The following ANKS1A variants were observed in gnomAD, a reference collection of about 807,000 sequenced individuals.
ANKS1A encodes the protein ankyrin repeat and sterile alpha motif domain containing 1A.
ANKS1A carries 55 observed loss-of-function variants against 120.3 expected under a neutral mutation model. That is an observed-to-expected ratio of 0.46 (90% CI 0.37 to 0.57). ANKS1A has a LOEUF of 0.57. ANKS1A is among the 20% of genes least tolerant of loss of function. The probability of loss-of-function intolerance (pLI) is 0.00; values close to 1 mark genes in which losing one functional copy is unlikely to be tolerated. For missense variants in ANKS1A, 1,123 were observed against 1,480.3 expected, an observed-to-expected ratio of 0.76 and a Z score of 3.96; for synonymous variants, 590 against 604.7, an observed-to-expected ratio of 0.98 and a Z score of 0.36.
At chr6:34,943,116 C>T (rs73421535) in intron 1 of ANKS1A, among the ~76,000 whole-genome samples, 32 of 152,116 alleles carry the variant, frequency 2.1e-4, no homozygotes, top group African/African-American at 7.5e-4. Flanking sequence ...TACAGGTGTG[C>T]ATCACCATGC....
chr6:34,930,254 A>G (rs1768916787), intron 1 of ANKS1A, among the ~76,000 whole-genome samples: 1 of 151,970 alleles, frequency 6.6e-6, no homozygotes, highest in African/African-American at 2.4e-5. Context: ...TCATTACCTT[A>G]CTGTGGGGGG....
chr6:34,893,665 C>T (rs549903834), intron 1 of ANKS1A, among the ~76,000 whole-genome samples: 2 of 152,290 alleles, frequency 1.3e-5, no homozygotes, highest in East Asian at 3.9e-4. Context: ...ATGTTCTGTT[C>T]CCTTACAGAG....
the ANKS1A span, among the ~76,000 whole-genome samples, chr6:35,097,153 A>G: frequency 6.6e-6 from 1 of 152,316 alleles, no homozygotes; most frequent in African/African-American, 2.4e-5. Context: ...TTGTCTAACA[A>G]CCACTTAAGG....
intron 13 of ANKS1A, among the ~76,000 whole-genome samples, chr6:35,077,889 A>G (rs1354509002): frequency 6.6e-6 from 1 of 152,198 alleles, no homozygotes; most frequent in Non-Finnish European, 1.5e-5. Flanking sequence ...GTAAGAAAGG[A>G]GCAGGAGCAC....
At chr6:34,973,654 G>T (rs1055269170) in intron 3 of ANKS1A, among the ~76,000 whole-genome samples, 14 of 152,172 alleles carry the variant, frequency 9.2e-5, no homozygotes, top group African/African-American at 3.1e-4. Flanking sequence ...CAAACACAAG[G>T]CAGATATTTC....
Position 34,910,566 on chromosome 6 carries a change from A to C in ANKS1A, c.197+20967A>C, listed in dbSNP as rs985316592. 1.1e-4 allele frequency among the ~76,000 whole-genome samples: 17 copies of C among 151,984 alleles called. 1 individual carries two copies. The highest frequency in any genetic ancestry group is 5.2e-4 in the Admixed American group (8 of 15,250). On this transcript the variant is annotated intron_variant, in intron 1 of 23. Coordinates refer to ENST00000360359, the MANE Select transcript of ANKS1A (RefSeq NM_015245.3). Reference sequence around the variant, plus strand: ...GCAACATAGCCAGACTCTGCCTCATAAAAGAATGAATGGGCTGGGTGTGGT... The same window carrying C: ...GCAACATAGCCAGACTCTGCCTCATCAAAGAATGAATGGGCTGGGTGTGGT...
Position 35,089,836 on chromosome 6 carries a change from T to C in ANKS1A, c.*1227T>C, listed in dbSNP as rs41270046. On this transcript the variant is annotated 3_prime_UTR_variant, in exon 24 of 24. Coordinates refer to ENST00000360359, the MANE Select transcript of ANKS1A (RefSeq NM_015245.3). ...TTGAGAGGCAAAGTTGGCTCAGCTGTGTGCCCAGTTCCTCCTGTGGGCACT... is the reference window on the plus strand; with the variant it reads ...TTGAGAGGCAAAGTTGGCTCAGCTGCGTGCCCAGTTCCTCCTGTGGGCACT... The C allele has an allele frequency of 0.021, 21,813 of 1,046,890 alleles. 257 individuals are homozygous for C. Among genetic ancestry groups the C allele is most frequent in the African/African-American group, 0.045 (2,649 of 59,198 alleles). The allele number at this position is 1,046,890 out of a possible 1,614,324, so 64.9% of individuals were successfully genotyped here.
rs879560591 is a variant in ANKS1A, at chr6:35,039,076, ATGTG to A, written c.2011-15010_2011-15007del. 7.5e-4 allele frequency among the ~76,000 whole-genome samples: 48 copies of A among 63,932 alleles called. No homozygotes were observed. In the East Asian group the frequency reaches 0.021, roughly 29 times the overall value. The allele number at this position is 63,932 out of a possible 152,430, so 41.9% of individuals were successfully genotyped here. A position where few individuals can be genotyped will look rare whatever the true frequency, so the allele number is the denominator to read the frequency against. ...TTCACATTTCACCAGTTTTGCATGT[ATGTG>A]TGTGTGTGTGTGGGGGGGGGTTATA... On this transcript the variant is annotated intron_variant, in intron 11 of 23. Transcript: ENST00000360359.
chr6:35,062,118 T>C (rs898825748), intron 13 of ANKS1A, among the ~76,000 whole-genome samples: 1 of 152,202 alleles, frequency 6.6e-6, no homozygotes, highest in Non-Finnish European at 1.5e-5. Flanking sequence ...CAAAGCTTCA[T>C]GCACAGGGCA....
At chr6:34,989,858 A>G (rs969471190) in intron 9 of ANKS1A, among the ~76,000 whole-genome samples, 6 of 152,258 alleles carry the variant, frequency 3.9e-5, no homozygotes, top group Admixed American at 1.3e-4. Flanking sequence ...TTTGAAAAGA[A>G]TAGTCTACCC....
intron 1 of ANKS1A, among the ~76,000 whole-genome samples, chr6:34,895,195 GT>G (rs34450807): frequency 3.9e-4 from 54 of 138,026 alleles, no homozygotes; most frequent in African/African-American, 1.1e-3. Context: ...AAGGACTTTG[GT>G]TTTTTTTTTT....
At chr6:35,049,824 G>A (rs957099698) in intron 11 of ANKS1A, among the ~76,000 whole-genome samples, 3 of 152,152 alleles carry the variant, frequency 2.0e-5, no homozygotes, top group Non-Finnish European at 4.4e-5. Context: ...GCCCCATGTC[G>A]TAGCCCTGCA....
At chr6:34,929,788 CCCCTTT>C (rs1293721372) in intron 1 of ANKS1A, among the ~76,000 whole-genome samples, 2 of 138,626 alleles carry the variant, frequency 1.4e-5, no homozygotes, top group Non-Finnish European at 3.1e-5. Context: ...CCTCCCCCTT[CCCCTTT>C]TCCTTCCTCC....
chr6:34,950,124 G>A (rs1581736788), intron 1 of ANKS1A, among the ~76,000 whole-genome samples: 1 of 152,076 alleles, frequency 6.6e-6, no homozygotes, highest in Non-Finnish European at 1.5e-5. Context: ...AGGTTACAGT[G>A]AGCTATGATT....
Position 34,983,730 on chromosome 6 carries a change from CCTT to C in ANKS1A, c.1012+309_1012+311del, listed in dbSNP as rs1298198231. Reference sequence around the variant, plus strand: ...AAGATGAATTCAAATCTCAGTGAAACCTTCTTTTTCTAACACATAATCACAATC... The same window carrying C: ...AAGATGAATTCAAATCTCAGTGAAACCTTTTTCTAACACATAATCACAATC... On this transcript the variant is annotated intron_variant, in intron 7 of 23. Transcript: ENST00000360359. 3.3e-5 allele frequency among the ~76,000 whole-genome samples: 5 copies of C among 152,060 alleles called. No individual in the cohort carries two copies. The South Asian group carries it at 6.2e-4, about 19-fold the overall frequency.
At chr6:34,969,018 A>G (rs140202534) in intron 2 of ANKS1A, among the ~76,000 whole-genome samples, 65 of 152,350 alleles carry the variant, frequency 4.3e-4, no homozygotes, top group African/African-American at 1.4e-3. Context: ...ATAGTGGGGT[A>G]ATCTGAATTA....
chr6:35,071,359 C>T (rs1777077386), intron 13 of ANKS1A, among the ~76,000 whole-genome samples: 1 of 152,126 alleles, frequency 6.6e-6, no homozygotes, highest in South Asian at 2.1e-4. Context: ...GGGTAAAATA[C>T]TTTGTTTCGG....
chr6:34,987,744 T>G (rs1206985529), intron 8 of ANKS1A, among the ~76,000 whole-genome samples: 1 of 152,202 alleles, frequency 6.6e-6, no homozygotes, highest in Non-Finnish European at 1.5e-5. Flanking sequence ...CTAATGCGAG[T>G]AGCTCCTAAA....
Position 35,054,174 on chromosome 6 carries a change from C to T in ANKS1A, c.2077+9C>T. 3.7e-6 allele frequency: 6 copies of T among 1,613,482 alleles called. No homozygotes were observed. Among genetic ancestry groups the T allele is most frequent in the Non-Finnish European group, 5.1e-6 (6 of 1,179,466 alleles). On this transcript the variant is annotated intron_variant, in intron 12 of 23. Transcript: ENST00000360359. ...ACGGCAGAAGATCTCAGGTACCGTACTAAGTGGCCATTTTCCCCACAGAAA... is the reference window on the plus strand; with the variant it reads ...ACGGCAGAAGATCTCAGGTACCGTATTAAGTGGCCATTTTCCCCACAGAAA...
Sources: gnomAD v4.1 joint callset for allele counts (sites outside exome capture counted in the v4.1 genomes callset) on GRCh38, gnomAD v4.1.1 for gene constraint, MANE v1.5 for transcripts, NCBI Gene and HGNC (gene_info 2026-07-23, HGNC 2026-07-21) for gene names.